The following RANBP17 variants were observed in gnomAD, a reference collection of about 807,000 sequenced individuals.
RANBP17 encodes the protein RAN binding protein 17, also known as ran-binding protein 17.
Under a neutral mutation model 141.2 loss-of-function variants are expected in RANBP17, and 158 were observed. The observed-to-expected ratio is 1.12, with a 90% confidence interval of 0.98 to 1.28. The LOEUF is 1.28. RANBP17 is among the 50% of genes most tolerant of loss of function. The pLI is 0.00. For synonymous variants in RANBP17, 430 were observed against 450.0 expected (o/e 0.96, Z 0.56); for missense variants, 1,438 against 1,290.7 (o/e 1.11, Z -1.75).
chr5:171,274,616 A>G (rs949776653), intron 25 of RANBP17, among the ~76,000 whole-genome samples: 2 of 152,228 alleles, frequency 1.3e-5, no homozygotes, highest in South Asian at 2.1e-4. Flanking sequence ...ATAAGAATAC[A>G]TATTTATAGA....
intron 14 of RANBP17, among the ~76,000 whole-genome samples, chr5:171,073,193 T>C (rs1220966165): frequency 6.6e-6 from 1 of 152,006 alleles, no homozygotes; most frequent in Non-Finnish European, 1.5e-5. Flanking sequence ...TGTCAGGGGA[T>C]CCCAGGATGA....
intron 24 of RANBP17, among the ~76,000 whole-genome samples, chr5:171,246,105 T>G (rs954272919): frequency 2.6e-5 from 4 of 152,086 alleles, no homozygotes; most frequent in Non-Finnish European, 5.9e-5. Context: ...GGTCTCAAAC[T>G]CCTGACCTCA....
At position 171,108,671 on chromosome 5, in the gene RANBP17, A is replaced by G. The variant is rs371091592; in HGVS notation, c.1711-61459A>G. Among the ~76,000 whole-genome samples the G allele has an allele frequency of 4.9e-3, 744 of 152,202 alleles. 10 individuals carry two copies. The highest frequency in any genetic ancestry group is 0.013 in the African/African-American group (550 of 41,524). On this transcript the variant is annotated intron_variant, in intron 14 of 27. Transcript: ENST00000523189. ...AAGTGATCCACCCACCTCTGCTTCC[A>G]AAAATGCTGGAATTACATGCATGAG... is the stretch of plus-strand genomic sequence containing the variant.
chr5:171,280,228 A>G (rs1185645709), intron 25 of RANBP17, among the ~76,000 whole-genome samples: 1 of 152,048 alleles, frequency 6.6e-6, no homozygotes, highest in Non-Finnish European at 1.5e-5. Context: ...CTTTACATTC[A>G]TTTCTCTCTT....
chr5:171,168,068 T>G (rs1354764848), intron 14 of RANBP17, among the ~76,000 whole-genome samples: 2 of 152,170 alleles, frequency 1.3e-5, no homozygotes, highest in African/African-American at 4.8e-5. Flanking sequence ...TGACACATAT[T>G]GCCCTAGGTG....
chr5:170,894,368 A>G (rs1422032279), intron 4 of RANBP17, among the ~76,000 whole-genome samples: 1 of 151,892 alleles, frequency 6.6e-6, no homozygotes, highest in Admixed American at 6.6e-5. Context: ...AGTAAGCTCA[A>G]CTTAAGTTGG....
intron 19 of RANBP17, among the ~76,000 whole-genome samples, chr5:171,202,764 A>C (rs985997443): frequency 2.6e-5 from 4 of 152,158 alleles, no homozygotes; most frequent in African/African-American, 9.6e-5. Flanking sequence ...CAGAATTAAG[A>C]GTATGCTGTA....
intron 1 of RANBP17, among the ~76,000 whole-genome samples, chr5:170,867,915 C>T (rs1429327030): frequency 1.3e-5 from 2 of 152,082 alleles, no homozygotes; most frequent in African/African-American, 4.8e-5. Context: ...TGTTTTTCCC[C>T]CACTCCTCTG....
chr5:171,166,004 T>C (rs1324373531), intron 14 of RANBP17, among the ~76,000 whole-genome samples: 2 of 152,214 alleles, frequency 1.3e-5, no homozygotes, highest in Non-Finnish European at 2.9e-5. Flanking sequence ...TAAAGAATCA[T>C]ATATGAAATG....
chr5:170,948,718 A>C (rs1026455909), intron 12 of RANBP17, among the ~76,000 whole-genome samples: 1 of 152,242 alleles, frequency 6.6e-6, no homozygotes, highest in Non-Finnish European at 1.5e-5. Flanking sequence ...CCTAAAGTTC[A>C]TATGGAAATC....
chr5:171,069,072 T>C (rs903972188), intron 14 of RANBP17, among the ~76,000 whole-genome samples: 7 of 152,222 alleles, frequency 4.6e-5, no homozygotes, highest in Non-Finnish European at 7.3e-5. Context: ...GCAGTTTACC[T>C]GAATGCCTGG....
At chr5:170,891,870 A>G (rs1769643295) in intron 3 of RANBP17, among the ~76,000 whole-genome samples, 1 of 152,202 alleles carries the variant, frequency 6.6e-6, no homozygotes, top group Non-Finnish European at 1.5e-5. Flanking sequence ...GCATTCACCT[A>G]GCATTTTTTG....
chr5:170,914,108 A>T, intron 7 of RANBP17, 59 bp from the exon 8 acceptor site: 1 of 1,141,734 alleles, frequency 8.8e-7, no homozygotes, highest in Non-Finnish European at 1.3e-6. Flanking sequence ...ATATTGTCTT[A>T]CTTTGTTAAG....
At chr5:171,222,321 A>C (rs1763616368) in intron 22 of RANBP17, among the ~76,000 whole-genome samples, 1 of 152,240 alleles carries the variant, frequency 6.6e-6, no homozygotes, top group African/African-American at 2.4e-5. Context: ...ATTAAAGTCC[A>C]AAATAGTATT....
intron 14 of RANBP17, among the ~76,000 whole-genome samples, chr5:171,097,067 G>A (rs1220370977): frequency 5.3e-5 from 8 of 152,046 alleles, no homozygotes; most frequent in Admixed American, 2.6e-4. Context: ...TCTTCAAGGA[G>A]GTTGTAAGAA....
chr5:171,199,068 C>G (rs975332255), intron 18 of RANBP17, among the ~76,000 whole-genome samples: 1 of 151,430 alleles, frequency 6.6e-6, no homozygotes, highest in Non-Finnish European at 1.5e-5. Context: ...TCCCTCTTCT[C>G]TATTTAAAAA....
chr5:171,258,957 ATATT>A (rs549090004), intron 24 of RANBP17, among the ~76,000 whole-genome samples: 24 of 152,346 alleles, frequency 1.6e-4, no homozygotes, highest in Admixed American at 5.9e-4. Flanking sequence ...ATGGGAGAGA[ATATT>A]TATAAACTAT....
intron 14 of RANBP17, among the ~76,000 whole-genome samples, chr5:171,125,638 T>C (rs1022548502): frequency 6.6e-6 from 1 of 152,166 alleles, no homozygotes; most frequent in Non-Finnish European, 1.5e-5. Flanking sequence ...CAAAGAAACA[T>C]TGGACTTGAT....
intron 14 of RANBP17, among the ~76,000 whole-genome samples, chr5:171,127,725 G>A (rs1756585765): frequency 6.6e-6 from 1 of 152,180 alleles, no homozygotes; most frequent in African/African-American, 2.4e-5. Flanking sequence ...TGAAAAAGAT[G>A]AGGTGAAAAG....
Sources: allele counts gnomAD v4.1 joint callset (sites outside exome capture counted in the v4.1 genomes callset), GRCh38; gene constraint gnomAD v4.1.1; transcripts MANE v1.5; gene names NCBI Gene and HGNC (gene_info 2026-07-23, HGNC 2026-07-21).